The following NOX4 variants were observed in gnomAD, a reference collection of about 807,000 sequenced individuals.
NOX4 encodes the protein kidney oxidase-1.
Under a neutral mutation model 87.6 loss-of-function variants are expected in NOX4, and 69 were observed. That is an observed-to-expected ratio of 0.79 (90% CI 0.65 to 0.96). The LOEUF (loss-of-function observed/expected upper bound fraction) is 0.96, where lower values mean the gene tolerates loss of function less well. NOX4 is among the 40% of genes least tolerant of loss of function. NOX4 has a pLI of 0.00. For synonymous variants in NOX4, 275 were observed against 238.2 expected (o/e 1.15, Z -1.42); for missense variants, 680 against 681.5 (o/e 1.00, Z 0.02).
At chr11:89,582,771 G>T in the NOX4 span, among the ~76,000 whole-genome samples, 1 of 152,138 alleles carries the variant, frequency 6.6e-6, no homozygotes, top group Non-Finnish European at 1.5e-5. Flanking sequence ...TGTCCTTCAG[G>T]CGTTTCTCCT....
chr11:89,336,723 T>C (rs1433819280), intron 16 of NOX4, among the ~76,000 whole-genome samples: 12 of 151,974 alleles, frequency 7.9e-5, no homozygotes, highest in Non-Finnish European at 7.4e-5. Context: ...ACTTACTTCG[T>C]GAGACTGGTA....
At chr11:89,549,609 T>C in the NOX4 span, among the ~76,000 whole-genome samples, 2 of 152,232 alleles carry the variant, frequency 1.3e-5, no homozygotes, top group African/African-American at 4.8e-5. Flanking sequence ...TCATCTACAG[T>C]AGGTATTTCT....
chr11:89,546,685 G>C, the NOX4 span: 1 of 152,196 alleles, frequency 6.6e-6, no homozygotes, highest in Non-Finnish European at 1.5e-5. Flanking sequence ...CACCTGGTGA[G>C]GGTCTTCTTG....
chr11:89,575,153 C>T, the NOX4 span, among the ~76,000 whole-genome samples: 29 of 151,552 alleles, frequency 1.9e-4, no homozygotes, highest in South Asian at 8.3e-4. Flanking sequence ...TTTGCACTCC[C>T]GACTGAGCAG....
At chr11:89,514,919 T>C in the NOX4 span, among the ~76,000 whole-genome samples, 1 of 152,028 alleles carries the variant, frequency 6.6e-6, no homozygotes, top group Non-Finnish European at 1.5e-5. Context: ...AACTCATGCA[T>C]GCTCCTGCAT....
At chr11:89,517,176 A>G in the NOX4 span, among the ~76,000 whole-genome samples, 1 of 152,238 alleles carries the variant, frequency 6.6e-6, no homozygotes, top group Non-Finnish European at 1.5e-5. Flanking sequence ...ATCTAAGAGT[A>G]TATGTCAGAC....
intron 8 of NOX4, among the ~76,000 whole-genome samples, chr11:89,412,827 A>G (rs1183390008): frequency 2.6e-5 from 4 of 152,116 alleles, no homozygotes; most frequent in African/African-American, 9.7e-5. Context: ...AAATAGACAA[A>G]TGGAATTACA....
At chr11:89,423,634 C>T (rs1484422084) in intron 7 of NOX4, among the ~76,000 whole-genome samples, 1 of 152,034 alleles carries the variant, frequency 6.6e-6, no homozygotes, top group Non-Finnish European at 1.5e-5. Context: ...TTTTACTCCT[C>T]TTTTGAAATA....
At chr11:89,543,221 A>G in the NOX4 span, among the ~76,000 whole-genome samples, 1 of 152,206 alleles carries the variant, frequency 6.6e-6, no homozygotes, top group Non-Finnish European at 1.5e-5. Context: ...TTTTAAAGAA[A>G]AAATAAATAA....
At position 89,446,170 on chromosome 11, in the gene NOX4, G is replaced by A. The variant is rs115586398; in HGVS notation, c.350-1938C>T. On this transcript the variant is annotated intron_variant, in intron 4 of 17. Transcript: ENST00000263317. ...AATTAAAATGACAAGTTACCACTAC[G>A]TACCTATTAGAATGACCAAAATCCA... 2.4e-3 allele frequency among the ~76,000 whole-genome samples: 360 copies of A among 152,108 alleles called. 1 individual carries two copies. The highest frequency in any genetic ancestry group is 8.2e-3 in the African/African-American group (340 of 41,520).
At position 89,373,455 on chromosome 11, in the gene NOX4, A is replaced by C; in HGVS notation, c.1112T>G (p.Leu371Arg). The change falls in exon 12 of 18, where the codon CTT (leucine) becomes CGT (arginine). Residue 371 changes from leucine to arginine, a missense_variant. By Grantham distance (102) the Leu-to-Arg change is moderately radical. Coordinates refer to ENST00000263317, the MANE Select transcript of NOX4 (RefSeq NM_016931.5). Reference protein sequence around the residue: ...TETKATFGVHLKIVGDWTERF... With the variant: ...TETKATFGVHRKIVGDWTERF... ...ACCTGTCCAGTCTCCTACTATTTTA[A>C]GATGAACCCCAAATGTTGCTTTGGT... 6.3e-7 allele frequency: 1 copy of C among 1,598,464 alleles called. No homozygotes were observed. Among genetic ancestry groups the C allele is most frequent in the Non-Finnish European group, 8.6e-7 (1 of 1,166,728 alleles).
chr11:89,470,589 C>T (rs1442404081), intron 2 of NOX4, among the ~76,000 whole-genome samples: 2 of 152,128 alleles, frequency 1.3e-5, no homozygotes, highest in Non-Finnish European at 2.9e-5. Context: ...AGCAGCTCTG[C>T]CTCCACCCTC....
intron 12 of NOX4, among the ~76,000 whole-genome samples, chr11:89,363,425 C>G (rs1938684767): frequency 6.6e-6 from 1 of 152,070 alleles, no homozygotes; most frequent in Admixed American, 6.6e-5. Flanking sequence ...TCATTTGTCA[C>G]ATACTGTGAA....
the NOX4 span, among the ~76,000 whole-genome samples, chr11:89,587,345 G>A: frequency 3.9e-5 from 6 of 152,174 alleles, no homozygotes; most frequent in Non-Finnish European, 8.8e-5. Flanking sequence ...TTTGTAAGAA[G>A]ATAATGTACT....
At chr11:89,356,406 AG>A (rs1201568784) in intron 12 of NOX4, among the ~76,000 whole-genome samples, 9 of 139,448 alleles carry the variant, frequency 6.5e-5, no homozygotes, top group Admixed American at 3.6e-4. Flanking sequence ...AGAAAATAGG[AG>A]GGGGAGGGGA....
the NOX4 span, chr11:89,577,024 T>G: frequency 2.0e-5 from 3 of 152,160 alleles, no homozygotes; most frequent in South Asian, 6.2e-4. Flanking sequence ...CATCCAGTAC[T>G]GATTATGTAA....
At chr11:89,388,703 T>G (rs543628447) in intron 11 of NOX4, among the ~76,000 whole-genome samples, 2 of 152,236 alleles carry the variant, frequency 1.3e-5, no homozygotes, top group South Asian at 4.1e-4. Context: ...GGCAAATAAG[T>G]CATCAGTTCC....
the NOX4 span, among the ~76,000 whole-genome samples, chr11:89,514,448 A>C: frequency 6.6e-6 from 1 of 152,006 alleles, no homozygotes; most frequent in African/African-American, 2.4e-5. Context: ...CAAAAAAGAT[A>C]GTTTTCTTCT....
At chr11:89,482,925 G>A (rs1946449873) in intron 2 of NOX4, among the ~76,000 whole-genome samples, 1 of 152,052 alleles carries the variant, frequency 6.6e-6, no homozygotes, top group South Asian at 2.1e-4. Flanking sequence ...GGAAAGCAGA[G>A]TGATTGAGAG....
Sources: allele counts gnomAD v4.1 joint callset (sites outside exome capture counted in the v4.1 genomes callset), GRCh38; gene constraint gnomAD v4.1.1; transcripts MANE v1.5; gene names NCBI Gene and HGNC (gene_info 2026-07-23, HGNC 2026-07-21).